The following PRKCH variants were observed in gnomAD, a reference collection of about 807,000 sequenced individuals.
PRKCH encodes the protein protein kinase C eta.
Under a neutral mutation model 82.5 loss-of-function variants are expected in PRKCH, and 28 were observed. The observed-to-expected ratio is 0.34, with a 90% CI of 0.25 to 0.47. The LOEUF (loss-of-function observed/expected upper bound fraction) is 0.47. Ranked by LOEUF, PRKCH falls within the 20% of genes least tolerant of loss-of-function variation. PRKCH has a pLI of 1.00. For missense variants in PRKCH, 705 were observed against 881.8 expected, an observed-to-expected ratio of 0.80 and a Z score of 2.54; for synonymous variants, 322 against 327.4, an observed-to-expected ratio of 0.98 and a Z score of 0.18.
Position 61,457,258 on chromosome 14 carries a change from A to G in PRKCH, c.1043A>G (p.Asn348Ser), listed in dbSNP as rs1234863841. The G allele has an allele frequency of 1.2e-6, 2 of 1,614,168 alleles. No homozygotes were observed. Among genetic ancestry groups the G allele is most frequent in the Middle Eastern group, 1.6e-4 (1 of 6,062 alleles). ...AATGGGATTGGGGTTAATTCTTCCA[A>G]CCGACTTGGTATCGACAACTTTGAG... ...EGNGIGVNSS[N>S]RLGIDNFEFI... The change falls in exon 8 of 14, where the codon AAC becomes AGC. Residue 348 changes from asparagine (N) to serine (S), a missense_variant. By Grantham distance (46) the Asn-to-Ser change is conservative. Coordinates refer to ENST00000332981, the MANE Select transcript of PRKCH (RefSeq NM_006255.5).
At chr14:61,399,633 T>C (rs11158341) in intron 2 of PRKCH, among the ~76,000 whole-genome samples, 149,282 of 152,328 alleles carry the variant, frequency 0.98, 73,203 homozygotes, top group East Asian at 1. Context: ...CTCCTACTAA[T>C]AATTACATAA....
chr14:61,363,919 CATAT>C (rs2046263256), intron 1 of PRKCH, among the ~76,000 whole-genome samples: 1 of 149,162 alleles, frequency 6.7e-6, no homozygotes, highest in Non-Finnish European at 1.5e-5. Context: ...AAATTTTTTA[CATAT>C]ATATGTAAAA....
At chr14:61,250,647 A>G (rs140410907) in intron 1 of PRKCH, among the ~76,000 whole-genome samples, 1 of 152,326 alleles carries the variant, frequency 6.6e-6, no homozygotes, top group East Asian at 1.9e-4. Context: ...ACGATTCTGC[A>G]TGATACTGCA....
intron 1 of PRKCH, among the ~76,000 whole-genome samples, chr14:61,295,457 C>G (rs2045398621): frequency 6.6e-6 from 1 of 152,210 alleles, no homozygotes; most frequent in Non-Finnish European, 1.5e-5. Context: ...TAGCTATTGA[C>G]ACATCTAACT....
chr14:61,258,297 G>T (rs981529696), intron 1 of PRKCH, among the ~76,000 whole-genome samples: 1 of 151,918 alleles, frequency 6.6e-6, no homozygotes, highest in African/African-American at 2.4e-5. Context: ...TTTTATTAAG[G>T]GGAAACCTGG....
intron 1 of PRKCH, among the ~76,000 whole-genome samples, chr14:61,384,388 C>T (rs1346033087): frequency 6.6e-6 from 1 of 152,086 alleles, no homozygotes; most frequent in Non-Finnish European, 1.5e-5. Context: ...ATGCCTAGAC[C>T]CCGTTCCCTT....
chr14:61,549,828 A>C lies in PRKCH; in HGVS notation c.2049A>C (p.Pro683=), dbSNP rs932533649. 1 of 1,613,864 alleles carries C rather than the reference A, an allele frequency of 6.2e-7. No individual in the cohort carries two copies. The highest frequency in any genetic ancestry group is 1.7e-4 in the Middle Eastern group (1 of 6,060). ...CCTATGTGTCTCCAGAATTGCAACC[A>C]TAGCCTTATGGGGAGTGAGAGAGAG... ...NFSYVSPELQ[P] is the part of the protein sequence containing the mutation. The change falls in exon 14 of 14, where the codon CCA becomes CCC. Residue 683 remains proline, a synonymous_variant. Coordinates refer to ENST00000332981, the MANE Select transcript of PRKCH (RefSeq NM_006255.5).
At chr14:61,270,656 T>C (rs1245725959) in intron 1 of PRKCH, among the ~76,000 whole-genome samples, 1 of 152,092 alleles carries the variant, frequency 6.6e-6, no homozygotes, top group Non-Finnish European at 1.5e-5. Flanking sequence ...ATAGAAGCAC[T>C]GGATGCAACA....
intron 9 of PRKCH, among the ~76,000 whole-genome samples, chr14:61,478,216 C>G (rs1255870914): frequency 6.6e-6 from 1 of 152,202 alleles, no homozygotes; most frequent in Non-Finnish European, 1.5e-5. Context: ...TTAATCCTCA[C>G]AAACCTGTGA....
chr14:61,217,682 A>T (rs2044625124), intron 1 of PRKCH, among the ~76,000 whole-genome samples: 1 of 152,182 alleles, frequency 6.6e-6, no homozygotes, highest in South Asian at 2.1e-4. Context: ...GATGTGTACC[A>T]GAAGAAGTTG....
At chr14:61,332,790 G>A (rs907360920) in intron 1 of PRKCH, among the ~76,000 whole-genome samples, 1 of 152,266 alleles carries the variant, frequency 6.6e-6, no homozygotes, top group East Asian at 1.9e-4. Context: ...TCTGTCCCTT[G>A]TACTAGCATA....
chr14:61,472,234 G>A lies in PRKCH; in HGVS notation c.1279-13268G>A, dbSNP rs372818925. Among the ~76,000 whole-genome samples, 10 of 152,344 alleles carry A rather than the reference G, an allele frequency of 6.6e-5. No individual in the cohort carries two copies. In the East Asian group the frequency reaches 9.6e-4, roughly 15 times the overall value. ...AGGGAGCAAAAGATTAGCTGACTGAGCATATATCTAAAATGGGTTATTTTT... is the reference window on the plus strand; with the variant it reads ...AGGGAGCAAAAGATTAGCTGACTGAACATATATCTAAAATGGGTTATTTTT... On this transcript the variant is annotated intron_variant, in intron 9 of 13. Coordinates refer to ENST00000332981, the MANE Select transcript of PRKCH (RefSeq NM_006255.5).
intron 1 of PRKCH, among the ~76,000 whole-genome samples, chr14:61,335,580 A>C (rs896533947): frequency 2.6e-5 from 4 of 152,206 alleles, no homozygotes; most frequent in Non-Finnish European, 5.9e-5. Context: ...AATAAAAAAA[A>C]CCACAACCCC....
chr14:61,335,481 A>C lies in PRKCH; in HGVS notation c.363+13017A>C, dbSNP rs570003782. The stretch of plus-strand genomic sequence containing the variant: ...GGGCCCCAACTTGTTTTTATTTGTT[A>C]CAAAACTATACATTTATGGCTGAGA... On this transcript the variant is annotated intron_variant, in intron 1 of 13. Coordinates refer to ENST00000332981, the MANE Select transcript of PRKCH (RefSeq NM_006255.5). Among the ~76,000 whole-genome samples the C allele has an allele frequency of 7.2e-5, 11 of 152,310 alleles. No homozygotes were observed. The East Asian group carries it at 2.1e-3, about 29-fold the overall frequency.
At chr14:61,375,026 A>C (rs1296635663) in intron 1 of PRKCH, among the ~76,000 whole-genome samples, 6 of 152,052 alleles carry the variant, frequency 3.9e-5, no homozygotes, top group African/African-American at 1.5e-4. Flanking sequence ...CTTCACTCAT[A>C]TGAGTGTACA....
rs542043718 is a variant in PRKCH, at chr14:61,373,134, T to C, written c.364-18091T>C. ...TGGGTTGTAGCTGTGGCTGTGAATC[T>C]GGTTCCCAAGAACTGGCTGTATTAG... is the stretch of plus-strand genomic sequence containing the variant. On this transcript the variant is annotated intron_variant, in intron 1 of 13. Coordinates refer to ENST00000332981, the MANE Select transcript of PRKCH (RefSeq NM_006255.5). 4.0e-3 allele frequency among the ~76,000 whole-genome samples: 610 copies of C among 152,126 alleles called. 9 individuals carry two copies. Among genetic ancestry groups the C allele is most frequent in the African/African-American group, 0.014 (575 of 41,404 alleles).
At chr14:61,378,763 C>G (rs2046459215) in intron 1 of PRKCH, among the ~76,000 whole-genome samples, 1 of 152,168 alleles carries the variant, frequency 6.6e-6, no homozygotes, top group Non-Finnish European at 1.5e-5. Context: ...CCTTCTCTTT[C>G]ACCTCCACCC....
intron 1 of PRKCH, among the ~76,000 whole-genome samples, chr14:61,336,629 G>A (rs1379064096): frequency 6.6e-6 from 1 of 152,190 alleles, no homozygotes; most frequent in African/African-American, 2.4e-5. Context: ...TACTTTTATT[G>A]CTGTAATTAA....
At chr14:61,372,377 A>G (rs75580494) in intron 1 of PRKCH, among the ~76,000 whole-genome samples, 1,956 of 152,240 alleles carry the variant, frequency 0.013, 77 homozygotes, top group African/African-American at 0.045. Flanking sequence ...ATCTGTATCT[A>G]TATTAAGTTG....
Sources: allele counts gnomAD v4.1 joint callset (sites outside exome capture counted in the v4.1 genomes callset), GRCh38; gene constraint gnomAD v4.1.1; transcripts MANE v1.5; gene names NCBI Gene and HGNC (gene_info 2026-07-23, HGNC 2026-07-21).